WDPCP: variants seen among roughly 807,000 people sequenced by gnomAD.
WDPCP encodes WD repeat containing planar cell polarity effector.
A neutral mutation model predicts 93.1 loss-of-function variants in WDPCP; 71 were observed. The observed-to-expected ratio is 0.76, with a 90% confidence interval of 0.63 to 0.93. The LOEUF (loss-of-function observed/expected upper bound fraction) is 0.93. Among genes scored for constraint, WDPCP ranks in the 40% least tolerant of loss-of-function variants. WDPCP has a pLI of 0.00. For missense variants in WDPCP, 844 were observed against 887.4 expected, an observed-to-expected ratio of 0.95 and a Z score of 0.62; for synonymous variants, 315 against 315.0, an observed-to-expected ratio of 1.00 and a Z score of 0.00.
chr2:63,708,584 C>T (rs200767740), intron 2 of WDPCP, among the ~76,000 whole-genome samples: 6 of 152,142 alleles, frequency 3.9e-5, no homozygotes, highest in African/African-American at 9.7e-5. Flanking sequence ...CCGGGTGAGG[C>T]GATGCCTCGC....
Position 63,551,127 on chromosome 2 carries a change from A to G in WDPCP, c.75+37070T>C, listed in dbSNP as rs188333717. Among the ~76,000 whole-genome samples the G allele has an allele frequency of 3.9e-5, 6 of 152,326 alleles. No individual in the cohort carries two copies. The East Asian group carries it at 1.2e-3, about 29-fold the overall frequency. ...CTCTGAAATATCAGCATTTATTCCA[A>G]GATTTCAAAAATGAAGACCTTCAAA... On this transcript the variant is annotated intron_variant, in intron 1 of 17. Coordinates refer to ENST00000272321, the MANE Select transcript of WDPCP (RefSeq NM_015910.7).
chr2:63,583,522 A>G (rs1210798024), intron 1 of WDPCP, among the ~76,000 whole-genome samples: 1 of 152,066 alleles, frequency 6.6e-6, no homozygotes, highest in Non-Finnish European at 1.5e-5. Flanking sequence ...CTCCAATAAA[A>G]ATACAAAAAT....
chr2:63,468,523 A>C (rs989062320), intron 6 of WDPCP, among the ~76,000 whole-genome samples: 1 of 152,172 alleles, frequency 6.6e-6, no homozygotes, highest in African/African-American at 2.4e-5. Context: ...CACACTTCTA[A>C]GTAACATGAT....
At chr2:63,706,705 T>G (rs376595110) in intron 2 of WDPCP, among the ~76,000 whole-genome samples, 25 of 145,528 alleles carry the variant, frequency 1.7e-4, no homozygotes, top group East Asian at 1.5e-3. Context: ...CAAGCTCCGC[T>G]TCCCGGGTTC....
In WDPCP at chr2:63,313,886, A is replaced by ATATATAT; in HGVS notation, c.1749-576_1749-575insATATATA. ...TATATATATATATATATATATATAT[A>ATATATAT]TTTTTTTTTTTTTGGAGATGGAGTC... On this transcript the variant is annotated intron_variant, in intron 12 of 17. Coordinates refer to ENST00000272321, the MANE Select transcript of WDPCP (RefSeq NM_015910.7). Among the ~76,000 whole-genome samples the ATATATAT allele has an allele frequency of 5.6e-3, 419 of 74,376 alleles. 10 individuals are homozygous for ATATATAT. Among genetic ancestry groups the ATATATAT allele is most frequent in the Non-Finnish European group, 9.9e-3 (380 of 38,560 alleles). 48.8% of individuals were successfully genotyped at this position (74,376 alleles called of 152,430 possible). A position where few individuals can be genotyped will look rare whatever the true frequency, so the allele number is the denominator to read the frequency against.
chr2:63,261,465 A>G (rs932122816), intron 13 of WDPCP, among the ~76,000 whole-genome samples: 1 of 152,218 alleles, frequency 6.6e-6, no homozygotes, highest in Non-Finnish European at 1.5e-5. Context: ...TCATGGATTG[A>G]TATCAGTATT....
chr2:63,569,889 C>T (rs189254890), intron 1 of WDPCP, among the ~76,000 whole-genome samples: 3 of 152,170 alleles, frequency 2.0e-5, no homozygotes, highest in African/African-American at 7.2e-5. Context: ...AGTTTTAAAA[C>T]ACCTTCAGAC....
rs59262674 is a variant in WDPCP, at chr2:63,776,074, TATACATACATACATAC to T, written n.308+37532_308+37547del. 2.0e-4 allele frequency among the ~76,000 whole-genome samples: 29 copies of T among 146,908 alleles called. No individual in the cohort carries two copies. The East Asian group carries it at 2.6e-3, about 13-fold the overall frequency. ...GTGAGACTCTGCCTATAAATACACATATACATACATACATACATACATACATACATACATACATACA... is the reference window on the plus strand; with the variant it reads ...GTGAGACTCTGCCTATAAATACACATATACATACATACATACATACATACA... On this transcript the variant is annotated intron_variant and non_coding_transcript_variant, in intron 2 of 4. Coordinates refer to the WDPCP transcript ENST00000467687.
intron 17 of WDPCP, among the ~76,000 whole-genome samples, chr2:63,131,209 C>T (rs984260482): frequency 1.3e-5 from 2 of 152,112 alleles, no homozygotes; most frequent in African/African-American, 2.4e-5. Flanking sequence ...GAAGGATTTA[C>T]TATTGCTGGT....
At chr2:63,684,555 G>A in intron 2 of WDPCP, 2 of 712,204 alleles carry the variant, frequency 2.8e-6, no homozygotes, top group Non-Finnish European at 5.3e-6. Flanking sequence ...ATGCCCACAA[G>A]GTACTCTGTG....
At chr2:63,453,923 G>A (rs1054236519) in intron 6 of WDPCP, among the ~76,000 whole-genome samples, 19 of 139,228 alleles carry the variant, frequency 1.4e-4, no homozygotes, top group African/African-American at 3.8e-4. Flanking sequence ...GGTAAGGAAC[G>A]GAACATCACA....
chr2:63,461,664 G>A (rs541017614), intron 6 of WDPCP, among the ~76,000 whole-genome samples: 19 of 152,310 alleles, frequency 1.2e-4, no homozygotes, highest in African/African-American at 3.8e-4. Flanking sequence ...ATTGGGACCA[G>A]TTTTGTTGAT....
At chr2:63,354,024 G>GC (rs1689825515) in intron 12 of WDPCP, among the ~76,000 whole-genome samples, 2 of 152,258 alleles carry the variant, frequency 1.3e-5, no homozygotes, top group African/African-American at 2.4e-5. Flanking sequence ...GCCTTCAGGG[G>GC]CAACTGAAAG....
rs980106768 is a variant in WDPCP, at chr2:63,313,283, G to A, written c.1777C>T (p.Leu593=). The change falls in exon 13 of 18, where the codon CTA becomes TTA. Residue 593 remains leucine (L), a synonymous_variant. Transcript: ENST00000272321. ...TCACGAGCACCAACGTCAACAGCTA[G>A]GAGAAATGCCTTTTCAAACCTCTGG... ...RYQRFEKAFL[L]AVDVGARDLF... The A allele has an allele frequency of 1.9e-6, 3 of 1,613,674 alleles. No homozygotes were observed. The highest frequency in any genetic ancestry group is 2.5e-6 in the Non-Finnish European group (3 of 1,179,732).
chr2:63,475,363 C>T (rs993638157), intron 6 of WDPCP, among the ~76,000 whole-genome samples: 3 of 152,046 alleles, frequency 2.0e-5, no homozygotes, highest in Non-Finnish European at 4.4e-5. Flanking sequence ...CCAGCTATGT[C>T]CAGTCTCCTT....
chr2:63,733,711 T>A (rs1245032743), intron 2 of WDPCP, among the ~76,000 whole-genome samples: 1 of 152,234 alleles, frequency 6.6e-6, no homozygotes, highest in Non-Finnish European at 1.5e-5. Flanking sequence ...CTGGAAAATC[T>A]TCTTCTTGTG....
intron 1 of WDPCP, among the ~76,000 whole-genome samples, chr2:63,543,871 T>C (rs1318081207): frequency 6.6e-6 from 1 of 152,114 alleles, no homozygotes; most frequent in Non-Finnish European, 1.5e-5. Flanking sequence ...ATTTAATATT[T>C]AAATTTTACA....
At chr2:63,250,071 C>G (rs1294449680) in intron 14 of WDPCP, among the ~76,000 whole-genome samples, 1 of 152,188 alleles carries the variant, frequency 6.6e-6, no homozygotes, top group Admixed American at 6.5e-5. Flanking sequence ...CACCTTTTTA[C>G]TCACTGAGAG....
chr2:63,458,576 G>A (rs191505816), intron 6 of WDPCP, among the ~76,000 whole-genome samples: 12 of 152,156 alleles, frequency 7.9e-5, no homozygotes, highest in Admixed American at 2.6e-4. Context: ...AAACACTGAC[G>A]AAAGAAACTG....
Sources: allele counts gnomAD v4.1 joint callset (sites outside exome capture counted in the v4.1 genomes callset), GRCh38; gene constraint gnomAD v4.1.1; transcripts MANE v1.5; gene names NCBI Gene and HGNC (gene_info 2026-07-23, HGNC 2026-07-21).